Variants in GDA observed in about 807,000 individuals in gnomAD.
The protein encoded by GDA is guanine deaminase, also known as cytoplasmic PSD-95 interactor.
GDA carries 18 observed loss-of-function variants against 59.6 expected under a neutral mutation model. That is an observed-to-expected ratio of 0.30 (90% CI 0.21 to 0.45). GDA has a LOEUF of 0.45. Among genes scored for constraint, GDA ranks in the 20% least tolerant of loss-of-function variants. The probability of loss-of-function intolerance (pLI) is 1.00; values close to 1 mark genes in which losing one functional copy is unlikely to be tolerated. For missense variants in GDA, 427 were observed against 552.3 expected (o/e 0.77, Z 2.27); for synonymous variants, 201 against 201.1 (o/e 1.00, Z 0.00).
At chr9:72,150,653 A>G (rs1023270593) in intron 1 of GDA, among the ~76,000 whole-genome samples, 1 of 152,228 alleles carries the variant, frequency 6.6e-6, no homozygotes, top group South Asian at 2.1e-4. Flanking sequence ...AAAAGTACAC[A>G]TACTTGTGAT....
chr9:72,236,614 C>T (rs1337603502), intron 10 of GDA, among the ~76,000 whole-genome samples: 1 of 152,084 alleles, frequency 6.6e-6, no homozygotes, highest in African/African-American at 2.4e-5. Flanking sequence ...AATACCCCGA[C>T]GTGTGTTCTG....
intron 1 of GDA, among the ~76,000 whole-genome samples, chr9:72,179,230 A>C (rs574437811): frequency 6.6e-6 from 1 of 152,336 alleles, no homozygotes; most frequent in East Asian, 1.9e-4. Flanking sequence ...AAATCAAAGC[A>C]TATTGTATCA....
chr9:72,236,977 A>G (rs937439963), intron 10 of GDA, among the ~76,000 whole-genome samples: 2 of 151,932 alleles, frequency 1.3e-5, no homozygotes, highest in Admixed American at 6.6e-5. Context: ...ACAGGGTTTC[A>G]ACATGTTGGT....
intron 1 of GDA, among the ~76,000 whole-genome samples, chr9:72,155,332 C>A (rs1361774872): frequency 2.0e-5 from 3 of 152,072 alleles, no homozygotes; most frequent in Non-Finnish European, 4.4e-5. Flanking sequence ...GGAAACTGCC[C>A]CCATGATTCA....
intron 1 of GDA, among the ~76,000 whole-genome samples, chr9:72,136,676 A>C (rs563255502): frequency 6.6e-6 from 1 of 152,308 alleles, no homozygotes; most frequent in South Asian, 2.1e-4. Flanking sequence ...CTTTTGGCTC[A>C]TTAAAATATA....
chr9:72,143,550 A>G (rs2130660058), intron 1 of GDA, among the ~76,000 whole-genome samples: 1 of 152,312 alleles, frequency 6.6e-6, no homozygotes. Flanking sequence ...AGCTGCCTAC[A>G]TACTACTTAA....
At chr9:72,177,270 G>C (rs1187769187) in intron 1 of GDA, among the ~76,000 whole-genome samples, 2 of 151,630 alleles carry the variant, frequency 1.3e-5, no homozygotes, top group East Asian at 3.9e-4. Flanking sequence ...CTAACTTTTT[G>C]TATTTTTAGT....
chr9:72,198,314 C>T (rs545542598), intron 2 of GDA, among the ~76,000 whole-genome samples: 23 of 151,926 alleles, frequency 1.5e-4, no homozygotes, highest in African/African-American at 4.3e-4. Flanking sequence ...CCGAGGCAGG[C>T]GCATCACGAG....
At chr9:72,174,263 G>T (rs1243756774) in intron 1 of GDA, among the ~76,000 whole-genome samples, 1 of 152,204 alleles carries the variant, frequency 6.6e-6, no homozygotes, top group Non-Finnish European at 1.5e-5. Context: ...TGGGGATTTT[G>T]CTGTCTAATA....
intron 1 of GDA, among the ~76,000 whole-genome samples, chr9:72,186,542 A>C (rs554578927): frequency 3.2e-4 from 49 of 152,170 alleles, no homozygotes; most frequent in Non-Finnish European, 6.5e-4. Flanking sequence ...ACTATGAAGT[A>C]TATCTTCATC....
chr9:72,218,476 A>G lies in GDA; in HGVS notation c.579-1003A>G, dbSNP rs79475531. Among the ~76,000 whole-genome samples, 759 of 152,292 alleles carry G rather than the reference A, an allele frequency of 5.0e-3. 3 individuals are homozygous for G. Among genetic ancestry groups the G allele is most frequent in the Admixed American group, 8.0e-3 (123 of 15,296 alleles). On this transcript the variant is annotated intron_variant, in intron 5 of 13. Coordinates refer to ENST00000358399, the MANE Select transcript of GDA (RefSeq NM_004293.5). ...TATCTATTAATCCATTTTTGTGGTG[A>G]TAGTAAACCTTAATTCTCATTTTGT... is the stretch of plus-strand genomic sequence containing the variant.
intron 1 of GDA, among the ~76,000 whole-genome samples, chr9:72,174,775 GAGAGACAGACAGACAGAC>G (rs746354641): frequency 2.0e-5 from 3 of 152,024 alleles, no homozygotes; most frequent in Non-Finnish European, 4.4e-5. Flanking sequence ...GAGAGAGAGA[GAGAGACAGACAGACAGAC>G]AGAGACAGAG....
intron 10 of GDA, among the ~76,000 whole-genome samples, chr9:72,233,031 C>T (rs1838535521): frequency 6.6e-6 from 1 of 152,182 alleles, no homozygotes; most frequent in Non-Finnish European, 1.5e-5. Flanking sequence ...CTTATTTACT[C>T]AGAGGATGGT....
At chr9:72,213,307 C>T (rs898775282) in intron 4 of GDA, among the ~76,000 whole-genome samples, 1 of 151,928 alleles carries the variant, frequency 6.6e-6, no homozygotes, top group Non-Finnish European at 1.5e-5. Context: ...CCAAAAAACC[C>T]ACCTGACAGC....
At chr9:72,133,832 A>G (rs1215148329) in intron 1 of GDA, among the ~76,000 whole-genome samples, 2 of 152,180 alleles carry the variant, frequency 1.3e-5, no homozygotes, top group Non-Finnish European at 2.9e-5. Context: ...AAGGTTCAAG[A>G]TGTGAGCTGG....
downstream of GDA, among the ~76,000 whole-genome samples, chr9:72,254,334 A>G (rs569130212): frequency 6.6e-6 from 1 of 152,338 alleles, no homozygotes; most frequent in East Asian, 1.9e-4. Context: ...GAGCAGGAGT[A>G]TAGATAGAGA....
intron 10 of GDA, 90 bp downstream of exon 10, chr9:72,231,271 T>TAAAA: frequency 1.6e-6 from 1 of 626,070 alleles, no homozygotes; most frequent in Non-Finnish European, 2.9e-6. Flanking sequence ...CTGTTCTGTT[T>TAAAA]AAAAAAAAAA....
intron 5 of GDA, among the ~76,000 whole-genome samples, chr9:72,218,653 A>G (rs1341610920): frequency 6.6e-6 from 1 of 151,770 alleles, no homozygotes; most frequent in Non-Finnish European, 1.5e-5. Flanking sequence ...CTCACAACCA[A>G]CTCTCGCCTT....
chr9:72,116,457 A>G (rs947655052), intron 1 of GDA, among the ~76,000 whole-genome samples: 1 of 138,810 alleles, frequency 7.2e-6, no homozygotes, highest in African/African-American at 2.7e-5. Context: ...ATCTCGGCTC[A>G]CTGCAACCTC....
Sources: gnomAD v4.1 joint callset for allele counts (sites outside exome capture counted in the v4.1 genomes callset) on GRCh38, gnomAD v4.1.1 for gene constraint, MANE v1.5 for transcripts, NCBI Gene and HGNC (gene_info 2026-07-23, HGNC 2026-07-21) for gene names.